DENND2A: variants seen among roughly 807,000 people sequenced by gnomAD.
DENND2A encodes the protein DENN domain-containing protein 2A.
A neutral mutation model predicts 105.3 loss-of-function variants in DENND2A; 53 were observed. The observed-to-expected ratio is 0.50, with a 90% CI of 0.40 to 0.63. The LOEUF (loss-of-function observed/expected upper bound fraction) is 0.63. Among genes scored for constraint, DENND2A ranks in the 30% least tolerant of loss-of-function variants. The pLI is 0.00. For synonymous variants in DENND2A, 522 were observed against 508.4 expected, an observed-to-expected ratio of 1.03 and a Z score of -0.36; for missense variants, 1,138 against 1,279.6, an observed-to-expected ratio of 0.89 and a Z score of 1.69.
At chr7:140,616,059 A>C (rs780671545) in intron 1 of DENND2A, among the ~76,000 whole-genome samples, 9 of 152,172 alleles carry the variant, frequency 5.9e-5, no homozygotes, top group Non-Finnish European at 8.8e-5. Flanking sequence ...TTCAATTCTC[A>C]AGAAATTTCA....
intron 1 of DENND2A, among the ~76,000 whole-genome samples, chr7:140,611,142 T>A (rs1324711482): frequency 2.0e-5 from 3 of 152,126 alleles, no homozygotes; most frequent in Non-Finnish European, 4.4e-5. Context: ...CCTCCCAGGT[T>A]CAAGCGATTC....
intron 16 of DENND2A, among the ~76,000 whole-genome samples, chr7:140,525,487 G>A (rs905227941): frequency 6.6e-6 from 1 of 152,140 alleles, no homozygotes; most frequent in African/African-American, 2.4e-5. Context: ...GGTGCCTATA[G>A]TTATAAGATT....
Position 140,569,836 on chromosome 7 carries a change from C to T in DENND2A, c.1447-98G>A. 3.7e-6 allele frequency: 3 copies of T among 806,802 alleles called. No individual in the cohort carries two copies. The South Asian group carries it at 4.2e-5, about 11-fold the overall frequency. The allele number at this position is 806,802 out of a possible 1,614,324, so 50.0% of individuals were successfully genotyped here. ...CCCCTCTCCTAGGACGATGGAGGGC[C>T]AGGGCCAGGGGGAGTGGGAGAAACT... On this transcript the variant is annotated intron_variant, in intron 6 of 19. Transcript: ENST00000496613.
At chr7:140,544,894 G>GA (rs890018403) in intron 13 of DENND2A, 128 bp from the exon 14 acceptor site, 18 of 1,448,326 alleles carry the variant, frequency 1.2e-5, no homozygotes, top group Non-Finnish European at 1.5e-5. Flanking sequence ...AAAAGGGAAA[G>GA]AAAAAAAGCA....
intron 1 of DENND2A, among the ~76,000 whole-genome samples, chr7:140,606,379 T>G (rs747461951): frequency 2.6e-5 from 4 of 152,110 alleles, no homozygotes; most frequent in Admixed American, 2.0e-4. Flanking sequence ...ACCAAAAATT[T>G]TAAGAAAACA....
chr7:140,573,490 G>A (rs1798177150), intron 6 of DENND2A, among the ~76,000 whole-genome samples: 1 of 152,206 alleles, frequency 6.6e-6, no homozygotes, highest in African/African-American at 2.4e-5. Flanking sequence ...GAGCATGATG[G>A]ATGGAGTTCT....
intron 11 of DENND2A, 57 bp from the exon 12 acceptor site, chr7:140,555,770 G>T: frequency 6.8e-7 from 1 of 1,476,706 alleles, no homozygotes; most frequent in South Asian, 1.3e-5. Flanking sequence ...GGGAAGAAAG[G>T]AACCCACATG....
chr7:140,549,629 A>G (rs1797038079), intron 12 of DENND2A, among the ~76,000 whole-genome samples: 1 of 152,188 alleles, frequency 6.6e-6, no homozygotes, highest in Non-Finnish European at 1.5e-5. Flanking sequence ...ATAAAATAAT[A>G]TTTTGTACAT....
intron 14 of DENND2A, among the ~76,000 whole-genome samples, chr7:140,529,751 C>T (rs1187195798): frequency 1.3e-5 from 2 of 150,776 alleles, no homozygotes; most frequent in Admixed American, 1.3e-4. Flanking sequence ...AAGGAGAACA[C>T]TTGGACACAG....
At chr7:140,547,220 T>C (rs551440285) in intron 12 of DENND2A, among the ~76,000 whole-genome samples, 1 of 152,312 alleles carries the variant, frequency 6.6e-6, no homozygotes, top group South Asian at 2.1e-4. Context: ...ATGTGACAGG[T>C]TGTACTAATA....
At chr7:140,575,894 A>G (rs1414900729) in intron 5 of DENND2A, among the ~76,000 whole-genome samples, 1 of 151,504 alleles carries the variant, frequency 6.6e-6, no homozygotes, top group East Asian at 1.9e-4. Context: ...GCTTGAAGCC[A>G]GGAGGTAGAG....
At chr7:140,548,946 T>C (rs1797010896) in intron 12 of DENND2A, among the ~76,000 whole-genome samples, 1 of 151,758 alleles carries the variant, frequency 6.6e-6, no homozygotes, top group African/African-American at 2.4e-5. Context: ...CAGCCGGGCA[T>C]GGTGGCTCCC....
At chr7:140,592,806 T>C (rs1725033187) in intron 3 of DENND2A, among the ~76,000 whole-genome samples, 2 of 151,860 alleles carry the variant, frequency 1.3e-5, no homozygotes, top group Non-Finnish European at 2.9e-5. Context: ...TTTCACCATG[T>C]TGGCCAGGCT....
intron 3 of DENND2A, among the ~76,000 whole-genome samples, chr7:140,590,772 T>C (rs951106340): frequency 2.0e-5 from 3 of 152,060 alleles, no homozygotes; most frequent in African/African-American, 7.2e-5. Context: ...CTTGGAAGGC[T>C]GAAGTGGGAG....
At chr7:140,568,841 T>G in intron 7 of DENND2A, 28 bp from the exon 8 acceptor site, 1 of 1,612,264 alleles carries the variant, frequency 6.2e-7, no homozygotes, top group Non-Finnish European at 8.5e-7. Flanking sequence ...GGAAGAAAAT[T>G]GCAAATGTGA....
chr7:140,640,088 T>TGCACGC lies in DENND2A; in HGVS notation c.-248+410_-248+415dup, dbSNP rs2130752785. On this transcript the variant is annotated intron_variant, in intron 1 of 19. Transcript: ENST00000496613. This position sits in a 1 kb window ranked among gnomAD's most constrained non-coding sequence, Gnocchi z 4.9. ...CTCAGCCGCCTCGATGCCCCGCGCTTGCACGCGCACGCACACACTCACACA... is the reference window on the plus strand; with the variant it reads ...CTCAGCCGCCTCGATGCCCCGCGCTTGCACGCGCACGCGCACGCACACACTCACACA... Among the ~76,000 whole-genome samples, 2 of 152,280 alleles carry TGCACGC rather than the reference T, an allele frequency of 1.3e-5. No individual in the cohort carries two copies. Among genetic ancestry groups the TGCACGC allele is most frequent in the South Asian group, 4.1e-4 (2 of 4,826 alleles).
chr7:140,603,132 G>C lies in DENND2A; in HGVS notation c.-145-590C>G, dbSNP rs1441186955. 2.6e-5 allele frequency among the ~76,000 whole-genome samples: 4 copies of C among 151,872 alleles called. No homozygotes were observed. The East Asian group carries it at 7.7e-4, about 29-fold the overall frequency. On this transcript the variant is annotated intron_variant, in intron 2 of 19. Coordinates refer to ENST00000496613, the MANE Select transcript of DENND2A (RefSeq NM_015689.5). Reference sequence around the variant, plus strand: ...ACCCCGTCTGTACTAAAAATACAAAGATTAGCGGGGTGTGGTGGCAGGCCC... The same window carrying C: ...ACCCCGTCTGTACTAAAAATACAAACATTAGCGGGGTGTGGTGGCAGGCCC...
At chr7:140,554,366 G>A (rs1441608481) in intron 12 of DENND2A, among the ~76,000 whole-genome samples, 6 of 152,100 alleles carry the variant, frequency 3.9e-5, no homozygotes, top group Non-Finnish European at 8.8e-5. Context: ...TAGGCCAGAC[G>A]CGGTGGCTCA....
intron 1 of DENND2A, among the ~76,000 whole-genome samples, chr7:140,634,214 C>T (rs966573939): frequency 5.3e-5 from 8 of 151,824 alleles, no homozygotes; most frequent in Non-Finnish European, 1.2e-4. Flanking sequence ...TAGCCAGGAC[C>T]GTCTTGATCT....
Sources: allele counts gnomAD v4.1 joint callset (sites outside exome capture counted in the v4.1 genomes callset), GRCh38; gene constraint gnomAD v4.1.1; non-coding constraint Gnocchi (gnomAD v3.1); transcripts MANE v1.5; gene names NCBI Gene and HGNC (gene_info 2026-07-23, HGNC 2026-07-21).